The following CAMK1D variants were observed in gnomAD, a reference collection of about 807,000 sequenced individuals.
The protein encoded by CAMK1D is calcium/calmodulin-dependent protein kinase type 1D.
A neutral mutation model predicts 47.7 loss-of-function variants in CAMK1D; 9 were observed. That is an observed-to-expected ratio of 0.19 (90% CI 0.11 to 0.33). The LOEUF is 0.33. Ranked by LOEUF, CAMK1D falls within the 10% of genes least tolerant of loss-of-function variation. CAMK1D has a pLI of 1.00. For synonymous variants in CAMK1D, 184 were observed against 184.9 expected (o/e 0.99, Z 0.04); for missense variants, 291 against 488.7 (o/e 0.60, Z 3.81).
chr10:12,523,153 C>T (rs1314380441), intron 1 of CAMK1D, among the ~76,000 whole-genome samples: 13 of 149,702 alleles, frequency 8.7e-5, no homozygotes, highest in East Asian at 6.1e-4. Context: ...GACGGGGTCG[C>T]GGCTGGGCAG....
intron 2 of CAMK1D, among the ~76,000 whole-genome samples, chr10:12,582,483 T>C (rs747811120): frequency 8.5e-5 from 13 of 152,238 alleles, no homozygotes; most frequent in Non-Finnish European, 1.8e-4. Context: ...ATTTTCATAA[T>C]ATTGATTCTA....
intron 2 of CAMK1D, among the ~76,000 whole-genome samples, chr10:12,566,406 G>A (rs1837126149): frequency 6.6e-6 from 1 of 152,166 alleles, no homozygotes; most frequent in South Asian, 2.1e-4. Context: ...ACCCAACACT[G>A]CTGCAGAGTT....
At chr10:12,569,388 T>C (rs2648707) in intron 2 of CAMK1D, among the ~76,000 whole-genome samples, 9,439 of 152,190 alleles carry the variant, frequency 0.062, 542 homozygotes, top group East Asian at 0.2. Flanking sequence ...ACAAGTCCAA[T>C]TGAAATGTAT....
intron 1 of CAMK1D, among the ~76,000 whole-genome samples, chr10:12,377,317 A>G (rs1838213977): frequency 6.6e-6 from 1 of 152,222 alleles, no homozygotes; most frequent in African/African-American, 2.4e-5. Context: ...AAGGTCATGG[A>G]AAATTAAGTC....
chr10:12,623,786 T>C (rs1437062688), intron 2 of CAMK1D, among the ~76,000 whole-genome samples: 1 of 151,980 alleles, frequency 6.6e-6, no homozygotes, highest in Admixed American at 6.6e-5. Context: ...CCCTTTTAAA[T>C]TGCAATTAAG....
At chr10:12,478,062 G>A (rs1475762327) in intron 1 of CAMK1D, among the ~76,000 whole-genome samples, 2 of 148,780 alleles carry the variant, frequency 1.3e-5, no homozygotes, top group Admixed American at 6.7e-5. Context: ...CTGGAGTGCA[G>A]TGGTGTGATC....
At chr10:12,546,624 G>A (rs970847834) in intron 1 of CAMK1D, among the ~76,000 whole-genome samples, 10 of 152,134 alleles carry the variant, frequency 6.6e-5, no homozygotes, top group Admixed American at 5.9e-4. Flanking sequence ...GGAATACTAT[G>A]CAGCCATAAA....
At chr10:12,603,749 C>T (rs1838372934) in intron 2 of CAMK1D, among the ~76,000 whole-genome samples, 1 of 152,178 alleles carries the variant, frequency 6.6e-6, no homozygotes, top group South Asian at 2.1e-4. Flanking sequence ...TGCTTCTTCT[C>T]CAGGATAAGG....
At chr10:12,410,989 A>T (rs1351728504) in intron 1 of CAMK1D, among the ~76,000 whole-genome samples, 1 of 152,118 alleles carries the variant, frequency 6.6e-6, no homozygotes, top group African/African-American at 2.4e-5. Context: ...TAGAGAGTGC[A>T]TGGTTAGCCT....
intron 1 of CAMK1D, among the ~76,000 whole-genome samples, chr10:12,504,357 G>C (rs1834805716): frequency 6.6e-6 from 1 of 152,120 alleles, no homozygotes; most frequent in African/African-American, 2.4e-5. Flanking sequence ...TGGTCATGGT[G>C]TAAGTCCCAG....
At position 12,499,426 on chromosome 10, in the gene CAMK1D, G is replaced by GA. The variant is rs200338791; in HGVS notation, c.93-53790dup. 3.0e-3 allele frequency among the ~76,000 whole-genome samples: 448 copies of GA among 150,084 alleles called. 3 individuals carry two copies. The highest frequency in any genetic ancestry group is 5.2e-3 in the African/African-American group (213 of 40,784). ...ATTTTCTTACCTTCCAGTTCCTTCTGAAAAAAAAATCAAATGAAAAAAGAA... is the reference window on the plus strand; with the variant it reads ...ATTTTCTTACCTTCCAGTTCCTTCTGAAAAAAAAAATCAAATGAAAAAAGAA... On this transcript the variant is annotated intron_variant, in intron 1 of 10. Coordinates refer to ENST00000619168, the MANE Select transcript of CAMK1D (RefSeq NM_153498.4).
intron 1 of CAMK1D, among the ~76,000 whole-genome samples, chr10:12,513,537 A>T (rs1375897036): frequency 1.3e-5 from 2 of 152,202 alleles, no homozygotes; most frequent in South Asian, 4.1e-4. Context: ...CTGTAATCCC[A>T]GCACTTTGGA....
chr10:12,783,298 C>T (rs1837580505), intron 5 of CAMK1D, among the ~76,000 whole-genome samples: 1 of 152,138 alleles, frequency 6.6e-6, no homozygotes, highest in African/African-American at 2.4e-5. Flanking sequence ...CGGCCTGGTG[C>T]TGGACTGTTG....
chr10:12,580,954 T>C (rs932028979), intron 2 of CAMK1D, among the ~76,000 whole-genome samples: 3 of 152,144 alleles, frequency 2.0e-5, no homozygotes, highest in Non-Finnish European at 2.9e-5. Context: ...ATAAGTTCTT[T>C]AGTGGTGATT....
intron 5 of CAMK1D, among the ~76,000 whole-genome samples, chr10:12,784,389 G>A (rs1409767576): frequency 6.6e-6 from 1 of 152,018 alleles, no homozygotes. Context: ...GTAGAGACGG[G>A]GTTTCACCTT....
Position 12,769,668 on chromosome 10 carries a change from T to C in CAMK1D, c.439-5T>C. On this transcript the variant is annotated splice_region_variant and splice_polypyrimidine_tract_variant and intron_variant, in intron 4 of 10. Transcript: ENST00000619168. Reference sequence around the variant, plus strand: ...TGTAATGTTTTTTTCTTATTTTCTTTCTAGCCCGAAAATCTCTTGTACTAC... The same window carrying C: ...TGTAATGTTTTTTTCTTATTTTCTTCCTAGCCCGAAAATCTCTTGTACTAC... 6.2e-7 allele frequency: 1 copy of C among 1,613,886 alleles called. No individual in the cohort carries two copies.
rs556764117 is a variant in CAMK1D at position 12,449,655 on chromosome 10, A to G, written c.92+99745A>G. Among the ~76,000 whole-genome samples the G allele has an allele frequency of 1.0e-4, 15 of 149,808 alleles. No individual in the cohort carries two copies. In the South Asian group the frequency reaches 2.1e-3, roughly 21 times the overall value. On this transcript the variant is annotated intron_variant, in intron 1 of 10. Transcript: ENST00000619168. ...TACATATATCAAAACATCATGTTGTATACCTAAATATATACCATTTTTATT... is the reference window on the plus strand; with the variant it reads ...TACATATATCAAAACATCATGTTGTGTACCTAAATATATACCATTTTTATT...
intron 1 of CAMK1D, among the ~76,000 whole-genome samples, chr10:12,526,054 G>A (rs1311497148): frequency 7.2e-5 from 11 of 152,158 alleles, no homozygotes; most frequent in African/African-American, 2.2e-4. Context: ...CGCCGCACCC[G>A]GCCCTATGTC....
chr10:12,538,945 A>G (rs1331704354), intron 1 of CAMK1D, among the ~76,000 whole-genome samples: 1 of 151,574 alleles, frequency 6.6e-6, no homozygotes, highest in Non-Finnish European at 1.5e-5. Flanking sequence ...GAGAATCGAG[A>G]CAAGAGCAAC....
Sources: allele counts gnomAD v4.1 joint callset (sites outside exome capture counted in the v4.1 genomes callset), GRCh38; gene constraint gnomAD v4.1.1; transcripts MANE v1.5; gene names NCBI Gene and HGNC (gene_info 2026-07-23, HGNC 2026-07-21).